Variants in LINGO2 observed in about 807,000 individuals in gnomAD.
The protein encoded by LINGO2 is leucine-rich repeat and immunoglobulin-like domain-containing nogo receptor-interacting protein 2.
Under a neutral mutation model 30.6 loss-of-function variants are expected in LINGO2, and 14 were observed. That is an observed-to-expected ratio of 0.46 (90% confidence interval 0.30 to 0.72). The LOEUF (loss-of-function observed/expected upper bound fraction) is 0.72, where lower values mean the gene tolerates loss of function less well. Among genes scored for constraint, LINGO2 ranks in the 30% least tolerant of loss-of-function variants. The pLI, the probability that LINGO2 is intolerant of heterozygous loss-of-function variation, is 0.07. For missense variants in LINGO2, 729 were observed against 751.7 expected, an observed-to-expected ratio of 0.97 and a Z score of 0.35; for synonymous variants, 317 against 288.5, an observed-to-expected ratio of 1.10 and a Z score of -1.00.
intron 4 of LINGO2, among the ~76,000 whole-genome samples, chr9:28,278,469 G>C (rs1312939490): frequency 6.6e-6 from 1 of 152,124 alleles, no homozygotes; most frequent in Non-Finnish European, 1.5e-5. Context: ...TAATGCAGCT[G>C]GTGACTTTAA....
chr9:28,294,308 G>A (rs1363747271), intron 4 of LINGO2, among the ~76,000 whole-genome samples: 3 of 152,138 alleles, frequency 2.0e-5, no homozygotes, highest in African/African-American at 7.2e-5. Flanking sequence ...AGGTGCTCAA[G>A]CATTAGTGAC....
chr9:28,126,118 G>T (rs1827228893), intron 4 of LINGO2, among the ~76,000 whole-genome samples: 1 of 152,110 alleles, frequency 6.6e-6, no homozygotes, highest in Non-Finnish European at 1.5e-5. Context: ...AGTAGTCTGT[G>T]ATATTAATTC....
At chr9:28,052,671 A>T (rs1013092720) in intron 4 of LINGO2, among the ~76,000 whole-genome samples, 1 of 152,136 alleles carries the variant, frequency 6.6e-6, no homozygotes, top group Admixed American at 6.6e-5. Context: ...TGTGCTGTTC[A>T]TTCCTAAGCT....
the LINGO2 span, among the ~76,000 whole-genome samples, chr9:28,738,508 A>T: frequency 6.6e-6 from 1 of 152,118 alleles, no homozygotes; most frequent in Non-Finnish European, 1.5e-5. Flanking sequence ...TCAAGCATTC[A>T]GAACCGTTTG....
intron 4 of LINGO2, among the ~76,000 whole-genome samples, chr9:28,094,595 T>C (rs1232726878): frequency 1.3e-5 from 2 of 152,050 alleles, no homozygotes; most frequent in African/African-American, 2.4e-5. Context: ...GACAATCTGT[T>C]CTTTTGATAA....
intron 2 of LINGO2, among the ~76,000 whole-genome samples, chr9:28,442,708 G>T (rs1417522592): frequency 6.6e-6 from 1 of 152,066 alleles, no homozygotes; most frequent in Non-Finnish European, 1.5e-5. Flanking sequence ...CTTCTGCTAG[G>T]TAATTAGGCT....
the LINGO2 span, among the ~76,000 whole-genome samples, chr9:29,132,217 G>T: frequency 6.6e-6 from 1 of 152,018 alleles, no homozygotes; most frequent in African/African-American, 2.4e-5. Context: ...CCTCGAGGGG[G>T]GGAAATGAGG....
intron 4 of LINGO2, among the ~76,000 whole-genome samples, chr9:28,018,856 T>C (rs1420407638): frequency 6.6e-6 from 1 of 152,016 alleles, no homozygotes; most frequent in East Asian, 1.9e-4. Flanking sequence ...CGCAAAGAAA[T>C]ACAAATTACT....
intron 3 of LINGO2, among the ~76,000 whole-genome samples, chr9:28,304,263 A>T (rs977848047): frequency 8.0e-5 from 12 of 149,794 alleles, no homozygotes; most frequent in South Asian, 2.1e-4. Context: ...TATATATATA[A>T]AATGTATAAT....
intron 3 of LINGO2, among the ~76,000 whole-genome samples, chr9:28,359,018 G>A (rs939507909): frequency 6.6e-6 from 1 of 152,132 alleles, no homozygotes; most frequent in African/African-American, 2.4e-5. Flanking sequence ...AGATTGAGGA[G>A]AATCACAGGA....
intron 2 of LINGO2, among the ~76,000 whole-genome samples, chr9:28,441,876 A>T (rs981220688): frequency 1.3e-5 from 2 of 152,112 alleles, no homozygotes; most frequent in African/African-American, 4.8e-5. Flanking sequence ...TTGATAACTT[A>T]TTGTGTTTAA....
At chr9:28,233,061 T>TATA (rs60875467) in intron 4 of LINGO2, among the ~76,000 whole-genome samples, 66 of 118,658 alleles carry the variant, frequency 5.6e-4, no homozygotes, top group African/African-American at 1.1e-3. Context: ...TATATATATA[T>TATA]TAGATATATA....
At chr9:28,953,154 A>G in the LINGO2 span, among the ~76,000 whole-genome samples, 1 of 152,172 alleles carries the variant, frequency 6.6e-6, no homozygotes, top group Admixed American at 6.5e-5. Flanking sequence ...CTATTGGTTC[A>G]AAGTAAAAGA....
At chr9:28,999,661 T>C in the LINGO2 span, among the ~76,000 whole-genome samples, 1 of 152,018 alleles carries the variant, frequency 6.6e-6, no homozygotes, top group East Asian at 1.9e-4. Flanking sequence ...CAAAATCTAT[T>C]TCTGAATGTT....
intron 1 of LINGO2, among the ~76,000 whole-genome samples, chr9:28,516,012 C>T (rs995462835): frequency 1.3e-5 from 2 of 152,152 alleles, no homozygotes; most frequent in Non-Finnish European, 2.9e-5. Flanking sequence ...AGATCTTCCA[C>T]CAGCAAAAGG....
chr9:28,133,723 T>G lies in LINGO2; in HGVS notation c.-86-121318A>C, dbSNP rs1563993729. ...ATTCTGTATACCTCAATGTCATCCCTCTTCAATCTTCTTTCCTGGCTCCTT... is the reference window on the plus strand; with the variant it reads ...ATTCTGTATACCTCAATGTCATCCCGCTTCAATCTTCTTTCCTGGCTCCTT... On this transcript the variant is annotated intron_variant, in intron 4 of 5. Transcript: ENST00000379992. Among the ~76,000 whole-genome samples the G allele has an allele frequency of 2.6e-5, 4 of 152,198 alleles. No individual in the cohort carries two copies. In the South Asian group the frequency reaches 8.3e-4, roughly 31 times the overall value.
chr9:29,073,469 A>G, the LINGO2 span, among the ~76,000 whole-genome samples: 1 of 152,186 alleles, frequency 6.6e-6, no homozygotes, highest in Non-Finnish European at 1.5e-5. Flanking sequence ...CATATAGTCT[A>G]TGAGCTAAAA....
chr9:29,175,195 G>T, the LINGO2 span, among the ~76,000 whole-genome samples: 1 of 152,122 alleles, frequency 6.6e-6, no homozygotes. Flanking sequence ...GGAGGTGGAG[G>T]TTGCAGTGAG....
chr9:28,186,609 G>T (rs1819550581), intron 4 of LINGO2, among the ~76,000 whole-genome samples: 1 of 151,976 alleles, frequency 6.6e-6, no homozygotes, highest in South Asian at 2.1e-4. Context: ...GTGTGGAGTT[G>T]GAATTTTATA....
Sources: allele counts gnomAD v4.1 joint callset (sites outside exome capture counted in the v4.1 genomes callset), GRCh38; gene constraint gnomAD v4.1.1; transcripts MANE v1.5; gene names NCBI Gene and HGNC (gene_info 2026-07-23, HGNC 2026-07-21).